The following RTF1 variants were observed in gnomAD, a reference collection of about 807,000 sequenced individuals.
RTF1 encodes the protein RNA polymerase-associated protein RTF1 homolog.
RTF1 carries 10 observed loss-of-function variants against 95.7 expected under a neutral mutation model. The observed-to-expected ratio is 0.10, with a 90% CI of 0.06 to 0.18. The LOEUF is 0.18. Among genes scored for constraint, RTF1 ranks in the 10% least tolerant of loss-of-function variants. The pLI, the probability that RTF1 is intolerant of heterozygous loss-of-function variation, is 1.00. For synonymous variants in RTF1, 305 were observed against 311.8 expected, an observed-to-expected ratio of 0.98 and a Z score of 0.23; for missense variants, 458 against 875.6, an observed-to-expected ratio of 0.52 and a Z score of 6.02.
intron 3 of RTF1, 127 bp downstream of exon 3, chr15:41,453,175 C>T: frequency 1.4e-6 from 1 of 690,486 alleles, no homozygotes; most frequent in Non-Finnish European, 2.2e-6. Context: ...AGCAGTGGTT[C>T]TTAACTTTTT....
At chr15:41,432,164 T>C (rs1290884960) in intron 1 of RTF1, among the ~76,000 whole-genome samples, 2 of 151,586 alleles carry the variant, frequency 1.3e-5, no homozygotes, top group East Asian at 2.0e-4. Flanking sequence ...TGCAGTTGTT[T>C]GTTGATGAAG....
chr15:41,419,906 G>A (rs751591650), intron 1 of RTF1, among the ~76,000 whole-genome samples: 11 of 152,164 alleles, frequency 7.2e-5, no homozygotes, highest in South Asian at 6.2e-4. Flanking sequence ...TGCAACCTCC[G>A]CCCACTGGGT....
At chr15:41,460,093 T>C (rs1869232631) in intron 4 of RTF1, among the ~76,000 whole-genome samples, 1 of 150,388 alleles carries the variant, frequency 6.6e-6, no homozygotes, top group African/African-American at 2.5e-5. Context: ...CAGCAAGCAA[T>C]AGACATTTGA....
intron 4 of RTF1, among the ~76,000 whole-genome samples, chr15:41,462,821 T>C (rs968332594): frequency 2.0e-5 from 3 of 152,108 alleles, no homozygotes; most frequent in Non-Finnish European, 4.4e-5. Flanking sequence ...TGTGGCATGA[T>C]TATAGCTCAT....
At chr15:41,477,135 G>T in intron 12 of RTF1, 30 bp from the exon 13 acceptor site, 1 of 1,614,104 alleles carries the variant, frequency 6.2e-7, no homozygotes, top group Non-Finnish European at 8.5e-7. Flanking sequence ...ATGTAGCCAA[G>T]AACGAACTCA....
At chr15:41,467,782 C>T (rs778741383) in intron 6 of RTF1, among the ~76,000 whole-genome samples, 22 of 150,966 alleles carry the variant, frequency 1.5e-4, no homozygotes, top group Non-Finnish European at 2.4e-4. Flanking sequence ...CCCAGCACTT[C>T]GGGAGGCTGA....
In RTF1 at chr15:41,480,570, C is replaced by T. The variant is rs1462625181; in HGVS notation, c.2027-11C>T. On this transcript the variant is annotated splice_polypyrimidine_tract_variant and intron_variant, in intron 17 of 17. Coordinates refer to ENST00000389629, the MANE Select transcript of RTF1 (RefSeq NM_015138.5). ...GGACCTCAGCTGCCAACTTGCTCTT[C>T]TTTCCCACAGAGTCAAAGGCTTTAG... is the stretch of plus-strand genomic sequence containing the variant. 1 of 1,604,904 alleles carries T rather than the reference C, an allele frequency of 6.2e-7. No homozygotes were observed. Among genetic ancestry groups the T allele is most frequent in the Non-Finnish European group, 8.5e-7 (1 of 1,171,798 alleles).
At chr15:41,427,221 G>A (rs1314902324) in intron 1 of RTF1, among the ~76,000 whole-genome samples, 2 of 144,292 alleles carry the variant, frequency 1.4e-5, no homozygotes, top group Non-Finnish European at 3.0e-5. Flanking sequence ...GTGCGATCTC[G>A]GCTCACTGCA....
At chr15:41,427,793 AT>A (rs952288040) in intron 1 of RTF1, among the ~76,000 whole-genome samples, 5 of 151,036 alleles carry the variant, frequency 3.3e-5, no homozygotes, top group South Asian at 4.2e-4. Context: ...GTCAAGTTTT[AT>A]TTTTTTTTGA....
intron 8 of RTF1, 47 bp from the exon 9 acceptor site, chr15:41,474,573 C>G: frequency 7.6e-7 from 1 of 1,320,702 alleles, no homozygotes; most frequent in Non-Finnish European, 1.1e-6. Flanking sequence ...TTGTGGAAAG[C>G]TCCGGAAGAG....
At chr15:41,436,704 C>T (rs1215423881) in intron 1 of RTF1, among the ~76,000 whole-genome samples, 2 of 150,752 alleles carry the variant, frequency 1.3e-5, no homozygotes, top group African/African-American at 4.9e-5. Context: ...TGAGGCACGG[C>T]CATTGCTTGA....
chr15:41,451,581 T>C (rs2050789754), intron 2 of RTF1, among the ~76,000 whole-genome samples: 1 of 152,218 alleles, frequency 6.6e-6, no homozygotes, highest in South Asian at 2.1e-4. Context: ...TATTGTGTAA[T>C]ATATGCCAAT....
chr15:41,464,314 G>C (rs1266322506), intron 4 of RTF1, among the ~76,000 whole-genome samples: 6 of 149,588 alleles, frequency 4.0e-5, no homozygotes. Context: ...GCAGTGGCGC[G>C]ATCTTGGCTC....
intron 6 of RTF1, among the ~76,000 whole-genome samples, chr15:41,469,292 C>A (rs1461959951): frequency 6.6e-6 from 1 of 151,804 alleles, no homozygotes; most frequent in Non-Finnish European, 1.5e-5. Flanking sequence ...CTTTTTAAAT[C>A]GTAAGTACAC....
At chr15:41,477,436 A>C in intron 13 of RTF1, 22 bp from the exon 14 acceptor site, 1 of 1,614,062 alleles carries the variant, frequency 6.2e-7, no homozygotes, top group South Asian at 1.1e-5. Context: ...ACAGCCACTG[A>C]CTCATCCCTC....
chr15:41,447,094 C>T (rs1399711697), intron 2 of RTF1, among the ~76,000 whole-genome samples: 2 of 152,170 alleles, frequency 1.3e-5, no homozygotes, highest in East Asian at 1.9e-4. Context: ...TGAGCCACCA[C>T]GCCCAGCCCC....
At chr15:41,469,789 T>A (rs1187012508) in intron 6 of RTF1, among the ~76,000 whole-genome samples, 1 of 152,194 alleles carries the variant, frequency 6.6e-6, no homozygotes, top group Non-Finnish European at 1.5e-5. Flanking sequence ...CCTCCCAAAG[T>A]GCTGAGATTA....
intron 14 of RTF1, among the ~76,000 whole-genome samples, chr15:41,478,073 A>G (rs1345033149): frequency 2.0e-5 from 3 of 150,974 alleles, no homozygotes; most frequent in African/African-American, 7.3e-5. Flanking sequence ...ACTGCACTTT[A>G]GCCTGGGCAA....
At chr15:41,480,074 T>G in intron 16 of RTF1, 140 bp from the exon 17 acceptor site, 1 of 618,456 alleles carries the variant, frequency 1.6e-6, no homozygotes, top group Non-Finnish European at 2.9e-6. Flanking sequence ...GGCCTCCCTC[T>G]GAGAGAAGGA....
Sources: gnomAD v4.1 joint callset for allele counts (sites outside exome capture counted in the v4.1 genomes callset) on GRCh38, gnomAD v4.1.1 for gene constraint, MANE v1.5 for transcripts, NCBI Gene and HGNC (gene_info 2026-07-23, HGNC 2026-07-21) for gene names.